Variants in BMP5 observed in about 807,000 individuals in gnomAD.
BMP5 encodes the protein bone morphogenetic protein 5.
BMP5 carries 23 observed loss-of-function variants against 46.6 expected under a neutral mutation model. The ratio of observed to expected loss-of-function variants is 0.49; its 90% CI spans 0.35 to 0.70. The LOEUF is 0.70. Among genes scored for constraint, BMP5 ranks in the 30% least tolerant of loss-of-function variants. The pLI is 0.00. For synonymous variants in BMP5, 204 were observed against 191.9 expected (o/e 1.06, Z -0.52); for missense variants, 545 against 565.6 (o/e 0.96, Z 0.37).
At chr6:55,828,778 T>G (rs1462110155) in intron 1 of BMP5, among the ~76,000 whole-genome samples, 1 of 151,676 alleles carries the variant, frequency 6.6e-6, no homozygotes, top group Non-Finnish European at 1.5e-5. Flanking sequence ...TAAGACACAG[T>G]TTGTATAGTT....
chr6:55,794,091 AATAAATGTATTGG>A (rs113636003), intron 3 of BMP5, among the ~76,000 whole-genome samples, 175 bp downstream of exon 3: 88 of 152,302 alleles, frequency 5.8e-4, no homozygotes, highest in African/African-American at 2.1e-3. Context: ...AGAGCCTGAC[AATAAATGTATTGG>A]ATAAATGTGT....
intron 2 of BMP5, among the ~76,000 whole-genome samples, chr6:55,811,850 CTTCAT>C (rs1776144075): frequency 6.6e-6 from 1 of 152,164 alleles, no homozygotes; most frequent in Non-Finnish European, 1.5e-5. Context: ...TTAACTTTCT[CTTCAT>C]TTCTATTTCC....
chr6:55,853,816 T>C (rs1485725603), intron 1 of BMP5, among the ~76,000 whole-genome samples: 1 of 152,186 alleles, frequency 6.6e-6, no homozygotes, highest in South Asian at 2.1e-4. Context: ...TACGGTTATA[T>C]TTTTTCTTTA....
chr6:55,765,935 A>G (rs1046254996), intron 4 of BMP5, among the ~76,000 whole-genome samples: 6 of 152,138 alleles, frequency 3.9e-5, no homozygotes, highest in African/African-American at 1.4e-4. Flanking sequence ...AGACACCTCT[A>G]AAGGACAGTT....
At chr6:55,828,228 G>A (rs1360930784) in intron 1 of BMP5, among the ~76,000 whole-genome samples, 3 of 151,824 alleles carry the variant, frequency 2.0e-5, no homozygotes, top group African/African-American at 7.2e-5. Context: ...GGTTTTGTGA[G>A]TTTTCTTCTG....
At chr6:55,854,096 T>C (rs1057246768) in intron 1 of BMP5, among the ~76,000 whole-genome samples, 4 of 152,108 alleles carry the variant, frequency 2.6e-5, no homozygotes, top group Admixed American at 6.5e-5. Context: ...ATTTCTGAAA[T>C]TGATGGAGAA....
chr6:55,862,745 G>A (rs537217379), intron 1 of BMP5, among the ~76,000 whole-genome samples: 1 of 152,080 alleles, frequency 6.6e-6, no homozygotes, highest in Non-Finnish European at 1.5e-5. Flanking sequence ...AGTCACTGGA[G>A]CCTCCATACT....
chr6:55,862,250 C>T (rs1777541243), intron 1 of BMP5, among the ~76,000 whole-genome samples: 1 of 152,168 alleles, frequency 6.6e-6, no homozygotes, highest in Non-Finnish European at 1.5e-5. Flanking sequence ...TCACAGTAAA[C>T]TACCAGGAAA....
chr6:55,830,136 A>T (rs1776630528), intron 1 of BMP5, among the ~76,000 whole-genome samples: 1 of 152,096 alleles, frequency 6.6e-6, no homozygotes, highest in African/African-American at 2.4e-5. Context: ...TTTATAGCAC[A>T]TTATTAAAAT....
intron 1 of BMP5, among the ~76,000 whole-genome samples, chr6:55,825,232 A>T (rs922284236): frequency 5.3e-5 from 8 of 151,894 alleles, no homozygotes; most frequent in Non-Finnish European, 1.0e-4. Context: ...TGGTAAACAC[A>T]CTTCCTTCTG....
chr6:55,805,265 G>T lies in BMP5; in HGVS notation c.684-10838C>A, dbSNP rs764121913. 5.1e-4 allele frequency among the ~76,000 whole-genome samples: 77 copies of T among 152,176 alleles called. 1 individual carries two copies. The highest frequency in any genetic ancestry group is 1.2e-3 in the African/African-American group (50 of 41,500). ...TTTAATTATTTTACTTTAGGTTCCGGGATACTAGTGCATAACCTGTAGGTT... is the reference window on the plus strand; with the variant it reads ...TTTAATTATTTTACTTTAGGTTCCGTGATACTAGTGCATAACCTGTAGGTT... On this transcript the variant is annotated intron_variant, in intron 2 of 6. Coordinates refer to ENST00000370830, the MANE Select transcript of BMP5 (RefSeq NM_021073.4).
At chr6:55,803,973 C>G (rs1335181726) in intron 2 of BMP5, among the ~76,000 whole-genome samples, 1 of 151,884 alleles carries the variant, frequency 6.6e-6, no homozygotes, top group African/African-American at 2.4e-5. Context: ...GAAGCAACAG[C>G]CTTACAAGAA....
intron 1 of BMP5, among the ~76,000 whole-genome samples, chr6:55,822,915 A>G (rs1438219562): frequency 6.6e-6 from 1 of 152,158 alleles, no homozygotes; most frequent in Non-Finnish European, 1.5e-5. Flanking sequence ...TGGTGATTCA[A>G]ATCCTTATAT....
intron 3 of BMP5, among the ~76,000 whole-genome samples, chr6:55,778,987 AC>A (rs2127523252): frequency 6.6e-6 from 1 of 152,162 alleles, no homozygotes; most frequent in African/African-American, 2.4e-5. Flanking sequence ...AGACTGGCAA[AC>A]CAAAGCTCTA....
At chr6:55,819,986 T>A in intron 1 of BMP5, 139 bp from the exon 2 acceptor site, 1 of 744,724 alleles carries the variant, frequency 1.3e-6, no homozygotes, top group Non-Finnish European at 2.2e-6. Context: ...AACCACAAAC[T>A]GAAACGTGTT....
intron 2 of BMP5, among the ~76,000 whole-genome samples, chr6:55,808,394 G>A (rs1170355572): frequency 6.6e-6 from 1 of 152,170 alleles, no homozygotes; most frequent in Non-Finnish European, 1.5e-5. Context: ...TCCTGCCATA[G>A]GAGGTTAATG....
chr6:55,810,586 A>G (rs2127535060), intron 2 of BMP5, among the ~76,000 whole-genome samples: 1 of 152,342 alleles, frequency 6.6e-6, no homozygotes, highest in Non-Finnish European at 1.5e-5. Flanking sequence ...CATGCAGTGA[A>G]TGAGCAATGT....
chr6:55,810,191 T>C lies in BMP5; in HGVS notation c.683+9464A>G, dbSNP rs186723227. On this transcript the variant is annotated intron_variant, in intron 2 of 6. Coordinates refer to ENST00000370830, the MANE Select transcript of BMP5 (RefSeq NM_021073.4). ...TTTTCAAATGGTAAATCGCTTTTTT[T>C]CCCCAAAATAAATGTGGGATTATAC... Among the ~76,000 whole-genome samples the C allele has an allele frequency of 1.6e-3, 251 of 152,260 alleles. 1 individual carries two copies. The highest frequency in any genetic ancestry group is 5.7e-3 in the African/African-American group (238 of 41,562).
intron 1 of BMP5, among the ~76,000 whole-genome samples, chr6:55,872,465 T>C (rs1777808668): frequency 6.6e-6 from 1 of 151,664 alleles, no homozygotes; most frequent in African/African-American, 2.4e-5. Context: ...TAAACTGCTA[T>C]GTTATTATAA....
Sources: gnomAD v4.1 joint callset for allele counts (sites outside exome capture counted in the v4.1 genomes callset) on GRCh38, gnomAD v4.1.1 for gene constraint, MANE v1.5 for transcripts, NCBI Gene and HGNC (gene_info 2026-07-23, HGNC 2026-07-21) for gene names.